USP45: variants seen among roughly 807,000 people sequenced by gnomAD.
USP45 encodes the protein ubiquitin carboxyl-terminal hydrolase 45.
A neutral mutation model predicts 95.8 loss-of-function variants in USP45; 89 were observed. The ratio of observed to expected loss-of-function variants is 0.93; its 90% CI spans 0.78 to 1.11. The LOEUF is 1.11. Among genes scored for constraint, USP45 ranks in the 50% least tolerant of loss-of-function variants. The pLI, the probability that USP45 is intolerant of heterozygous loss-of-function variation, is 0.00. For synonymous variants in USP45, 281 were observed against 316.2 expected, an observed-to-expected ratio of 0.89 and a Z score of 1.18; for missense variants, 898 against 942.5, an observed-to-expected ratio of 0.95 and a Z score of 0.62.
rs1277340383 is a variant in USP45, at chr6:99,479,149, T to TA, written c.846-2920dup. The stretch of plus-strand genomic sequence containing the variant: ...ATTCATTACATTGAATGAATGTATG[T>TA]ATATATACATATATACACACACACA... On this transcript the variant is annotated intron_variant, in intron 8 of 17. Transcript: ENST00000500704. Among the ~76,000 whole-genome samples, 8 of 60,140 alleles carry TA rather than the reference T, an allele frequency of 1.3e-4. No individual in the cohort carries two copies. The Admixed American group carries it at 1.8e-3, about 13-fold the overall frequency. The allele number at this position is 60,140 out of a possible 152,430, so 39.5% of individuals were successfully genotyped here.
chr6:99,456,604 C>G (rs1785144487), intron 13 of USP45, among the ~76,000 whole-genome samples: 1 of 152,184 alleles, frequency 6.6e-6, no homozygotes, highest in African/African-American at 2.4e-5. Context: ...TGCATGGACA[C>G]TTATCACTTC....
Position 99,435,427 on chromosome 6 carries a change from A to T in USP45, c.*289T>A, listed in dbSNP as rs1303852850. 1 of 229,070 alleles carries T rather than the reference A, an allele frequency of 4.4e-6. No homozygotes were observed. The highest frequency in any genetic ancestry group is 8.4e-6 in the Non-Finnish European group (1 of 119,218). 14.2% of individuals were successfully genotyped at this position (229,070 alleles called of 1,614,324 possible). On this transcript the variant is annotated 3_prime_UTR_variant, in exon 18 of 18. Transcript: ENST00000500704. ...ATCATTTCTGAATGCTTGTAATAAT[A>T]AGCCACATCATAAAGGGGTTTCCTT...
At chr6:99,486,282 A>T (rs1793852250) in intron 7 of USP45, among the ~76,000 whole-genome samples, 1 of 152,238 alleles carries the variant, frequency 6.6e-6, no homozygotes, top group Non-Finnish European at 1.5e-5. Context: ...TATAAGATTC[A>T]AAATTACCCT....
At chr6:99,490,513 T>G (rs1794935714) in intron 5 of USP45, among the ~76,000 whole-genome samples, 1 of 151,740 alleles carries the variant, frequency 6.6e-6, no homozygotes. Context: ...TACAATTACA[T>G]GTTTTTTTCA....
At chr6:99,446,514 A>G (rs767390606) in intron 13 of USP45, 51 bp from the exon 14 acceptor site, 1 of 1,449,110 alleles carries the variant, frequency 6.9e-7, no homozygotes, top group East Asian at 2.3e-5. Context: ...CCTCATTGAA[A>G]ATAAATGCCA....
In USP45 at chr6:99,482,818, G is replaced by A. The variant is rs1792755114; in HGVS notation, c.780C>T (p.His260=). 4 of 1,606,356 alleles carry A rather than the reference G, an allele frequency of 2.5e-6. No homozygotes were observed. Among genetic ancestry groups the A allele is most frequent in the Non-Finnish European group, 3.4e-6 (4 of 1,175,866 alleles). Reference sequence around the variant, plus strand: ...GTCCTTTTTCAGTCTCCTTCATGCTGTGAAGAAACAGGAACAAGGCTGAGG... The same window carrying A: ...GTCCTTTTTCAGTCTCCTTCATGCTATGAAGAAACAGGAACAAGGCTGAGG... The part of the protein sequence containing the change: ...PLTSALFLFL[H]SMKETEKGPL... The change falls in exon 8 of 18, where the codon CAC becomes CAT. Residue 260 remains histidine (H), a synonymous_variant. Coordinates refer to ENST00000500704, the MANE Select transcript of USP45 (RefSeq NM_001346022.3).
Position 99,514,707 on chromosome 6 carries a change from T to G in USP45, c.-11+685A>C, listed in dbSNP as rs978131695. ...TTTTTTCCTACTCTTGGGCAATTAT[T>G]TATGGGGGTTGGAAAGAGAAGAAAA... On this transcript the variant is annotated intron_variant, in intron 1 of 17. Transcript: ENST00000500704. The G allele has an allele frequency of 2.0e-5, 3 of 152,114 alleles. No homozygotes were observed. The East Asian group carries it at 5.8e-4, about 29-fold the overall frequency. 9.4% of individuals were successfully genotyped at this position (152,114 alleles called of 1,614,324 possible).
rs35004033 is a variant in USP45 at position 99,482,796 on chromosome 6, CT to C, written c.801del (p.Gly268AspfsTer38). The C allele has an allele frequency of 3.1e-6, 5 of 1,605,362 alleles. No individual in the cohort carries two copies. Among genetic ancestry groups the C allele is most frequent in the Non-Finnish European group, 3.4e-6 (4 of 1,175,372 alleles). On this transcript the variant is annotated frameshift_variant, in exon 8 of 18. Coordinates refer to ENST00000500704, the MANE Select transcript of USP45 (RefSeq NM_001346022.3). LOFTEE classifies it high-confidence loss of function. Reference sequence around the variant, plus strand: ...AAAAGAACTTTAGGAGAAAGTGGTCCTTTTTCAGTCTCCTTCATGCTGTGAA... The same window carrying C: ...AAAAGAACTTTAGGAGAAAGTGGTCCTTTTCAGTCTCCTTCATGCTGTGAA... The part of the protein sequence containing the change: ...LFLHSMKETE[K>X]GPLSPKVLFN...
chr6:99,489,726 C>T (rs1794749981), intron 5 of USP45, among the ~76,000 whole-genome samples: 1 of 152,070 alleles, frequency 6.6e-6, no homozygotes, highest in Non-Finnish European at 1.5e-5. Flanking sequence ...GCAGGTGGAT[C>T]ACTTGAGGTC....
At chr6:99,440,167 A>G (rs1781257940) in intron 15 of USP45, among the ~76,000 whole-genome samples, 1 of 152,206 alleles carries the variant, frequency 6.6e-6, no homozygotes, top group Non-Finnish European at 1.5e-5. Flanking sequence ...ATATGCTATC[A>G]TGAAAATATA....
intron 15 of USP45, 90 bp from the exon 16 acceptor site, chr6:99,439,945 T>G: frequency 1.3e-5 from 13 of 965,970 alleles, no homozygotes; most frequent in Non-Finnish European, 2.0e-5. Context: ...ATTGTAGGAC[T>G]TAGTTTTTTC....
chr6:99,506,224 T>C (rs768924849), intron 4 of USP45, among the ~76,000 whole-genome samples: 4 of 152,198 alleles, frequency 2.6e-5, no homozygotes, highest in Non-Finnish European at 5.9e-5. Flanking sequence ...TAGATTCAAG[T>C]TGGAAAATTA....
chr6:99,473,753 T>A (rs1381456669), intron 9 of USP45, among the ~76,000 whole-genome samples: 7 of 38,106 alleles, frequency 1.8e-4, no homozygotes, highest in Non-Finnish European at 2.5e-4. Flanking sequence ...AGACCCTGTC[T>A]CAAAAAAAAA....
chr6:99,505,160 G>C (rs1798228685), intron 4 of USP45, among the ~76,000 whole-genome samples: 2 of 152,160 alleles, frequency 1.3e-5, no homozygotes, highest in Admixed American at 6.5e-5. Context: ...GTTCTATTTT[G>C]CTTGGCGCTT....
intron 9 of USP45, among the ~76,000 whole-genome samples, chr6:99,472,671 C>T (rs1429895067): frequency 6.6e-6 from 1 of 152,114 alleles, no homozygotes; most frequent in African/African-American, 2.4e-5. Flanking sequence ...TTATTGTTCA[C>T]AATACAAAAA....
At chr6:99,435,993 C>A in intron 17 of USP45, 147 bp from the exon 18 acceptor site, 1 of 753,068 alleles carries the variant, frequency 1.3e-6, no homozygotes, top group Non-Finnish European at 2.0e-6. Flanking sequence ...TAAGCATTTT[C>A]CAAAAAGAAC....
chr6:99,466,471 A>T (rs546061763), intron 11 of USP45, among the ~76,000 whole-genome samples: 4 of 152,218 alleles, frequency 2.6e-5, no homozygotes, highest in Non-Finnish European at 4.4e-5. Flanking sequence ...ATAACACAAA[A>T]ATACATTTAC....
At chr6:99,455,813 G>T (rs1293409881) in intron 13 of USP45, among the ~76,000 whole-genome samples, 1 of 106,424 alleles carries the variant, frequency 9.4e-6, no homozygotes, top group Non-Finnish European at 1.8e-5. Flanking sequence ...ACTCTTATGT[G>T]AGAGCTAAAA....
rs369285223 is a variant in USP45 at position 99,440,632 on chromosome 6, A to G, written c.2074-777T>C. Among the ~76,000 whole-genome samples the G allele has an allele frequency of 5.3e-5, 8 of 152,330 alleles. No individual in the cohort carries two copies. The East Asian group carries it at 5.8e-4, about 11-fold the overall frequency. ...CTGATCTTTCATTTGCATACTAATC[A>G]CAAGTTTACTGTAGATCTGTTGCTT... On this transcript the variant is annotated intron_variant, in intron 15 of 17. Transcript: ENST00000500704.
Sources: gnomAD v4.1 joint callset for allele counts (sites outside exome capture counted in the v4.1 genomes callset) on GRCh38, gnomAD v4.1.1 for gene constraint, MANE v1.5 for transcripts, NCBI Gene and HGNC (gene_info 2026-07-23, HGNC 2026-07-21) for gene names.